The following METTL25 variants were observed in gnomAD, a reference collection of about 807,000 sequenced individuals.
METTL25 encodes the protein probable methyltransferase-like protein 25.
In METTL25, 64 loss-of-function variants were observed where a neutral mutation model predicts 71.6. The ratio of observed to expected loss-of-function variants is 0.89; its 90% CI spans 0.73 to 1.10. The LOEUF is 1.10. Ranked by LOEUF, METTL25 falls within the 50% of genes least tolerant of loss-of-function variation. The pLI, the probability that METTL25 is intolerant of heterozygous loss-of-function variation, is 0.00. For missense variants in METTL25, 807 were observed against 707.0 expected, an observed-to-expected ratio of 1.14 and a Z score of -1.60; for synonymous variants, 287 against 250.3, an observed-to-expected ratio of 1.15 and a Z score of -1.38.
Position 82,479,207 on chromosome 12 carries a change from A to G in METTL25, c.*183A>G, listed in dbSNP as rs1403622895. The G allele has an allele frequency of 2.0e-6, 1 of 497,772 alleles. No homozygotes were observed. Among genetic ancestry groups the G allele is most frequent in the Non-Finnish European group, 3.6e-6 (1 of 279,530 alleles). The allele number at this position is 497,772 out of a possible 1,614,324, so 30.8% of individuals were successfully genotyped here. On this transcript the variant is annotated 3_prime_UTR_variant, in exon 12 of 12. Transcript: ENST00000248306. Reference sequence around the variant, plus strand: ...TTTTTCCATTGTCAAAGCATACATTAATAAAAGAAGAACCTGTCATAATAA... The same window carrying G: ...TTTTTCCATTGTCAAAGCATACATTGATAAAAGAAGAACCTGTCATAATAA...
Position 82,477,299 on chromosome 12 carries a change from C to G in METTL25, c.1666C>G (p.Pro556Ala), listed in dbSNP as rs367683310. The change falls in exon 11 of 12, where the codon CCC becomes GCC. Residue 556 changes from proline (P) to alanine (A), a missense_variant. Transcript: ENST00000248306. ...ATTTTAGTTGAAAGTTGTACTGGCT[C>G]CCTGTATAGAGACTTTGATTCTTCT... ...AFNMLKVVLA[P>A]CIETLILLDR... is the part of the protein sequence containing the mutation. 1.2e-5 allele frequency: 19 copies of G among 1,562,700 alleles called. No homozygotes were observed. The East Asian group carries it at 2.3e-4, about 19-fold the overall frequency.
At chr12:82,365,965 C>G (rs1014481970) in intron 1 of METTL25, among the ~76,000 whole-genome samples, 3 of 151,962 alleles carry the variant, frequency 2.0e-5, no homozygotes, top group Admixed American at 2.0e-4. Context: ...ACCTGTAGTC[C>G]CAGCTACTCG....
chr12:82,406,735 A>G (rs780607925), intron 5 of METTL25, among the ~76,000 whole-genome samples: 1 of 152,116 alleles, frequency 6.6e-6, no homozygotes, highest in African/African-American at 2.4e-5. Flanking sequence ...TAATTGCTAT[A>G]AGACAGGGTA....
chr12:82,403,111 A>ATTT lies in METTL25; in HGVS notation c.1261_1263dup (p.Phe421dup). On this transcript the variant is annotated inframe_insertion, in exon 5 of 12. Transcript: ENST00000248306. ...GTTGCTACCACCTCTTATCTGAAGA[A>ATTT]TTTGAAAACCAGCATAAAGGTACAA... 1.2e-6 allele frequency: 2 copies of ATTT among 1,612,296 alleles called. No individual in the cohort carries two copies. The highest frequency in any genetic ancestry group is 2.2e-5 in the South Asian group (2 of 90,686).
intron 8 of METTL25, among the ~76,000 whole-genome samples, chr12:82,455,056 A>G (rs1400093726): frequency 1.3e-5 from 2 of 151,748 alleles, no homozygotes; most frequent in Non-Finnish European, 1.5e-5. Flanking sequence ...GTACTATTCT[A>G]TGCTTTTTCT....
At chr12:82,361,086 A>AC (rs1393961731) in intron 1 of METTL25, among the ~76,000 whole-genome samples, 1 of 151,566 alleles carries the variant, frequency 6.6e-6, no homozygotes, top group African/African-American at 2.4e-5. Flanking sequence ...CTCTTATCTG[A>AC]CCCCACCCAC....
In METTL25 at chr12:82,456,809, G is replaced by C. The variant is rs2062424850; in HGVS notation, c.1561G>C (p.Asp521His). ...VRRSLKKLGL[D>H]ESKLPEKIIM... The stretch of plus-strand genomic sequence containing the variant: ...ACGGTCTCTAAAGAAGCTTGGATTA[G>C]ATGAGTCCAAGGTCAGTATATGATG... The change falls in exon 9 of 12, where the codon GAT (aspartate) becomes CAT (histidine). Residue 521 changes from aspartate (D) to histidine (H), a missense_variant. Asp to His is a moderately conservative substitution (Grantham distance 81). Transcript: ENST00000248306. The C allele has an allele frequency of 2.5e-6, 4 of 1,574,248 alleles. No homozygotes were observed. The highest frequency in any genetic ancestry group is 1.7e-5 in the Admixed American group (1 of 58,226).
chr12:82,387,806 T>G (rs963797408), intron 2 of METTL25, among the ~76,000 whole-genome samples: 1 of 152,142 alleles, frequency 6.6e-6, no homozygotes, highest in Non-Finnish European at 1.5e-5. Context: ...ACTCTGTATC[T>G]CAAAATAACA....
chr12:82,378,296 A>G (rs1884085757), intron 1 of METTL25, among the ~76,000 whole-genome samples: 1 of 152,226 alleles, frequency 6.6e-6, no homozygotes, highest in African/African-American at 2.4e-5. Flanking sequence ...TACAGCAATT[A>G]CCTTGAATAA....
chr12:82,454,852 A>G (rs1891378802), intron 8 of METTL25, among the ~76,000 whole-genome samples: 1 of 151,952 alleles, frequency 6.6e-6, no homozygotes, highest in South Asian at 2.1e-4. Flanking sequence ...CTATAATACC[A>G]GTAATTATAA....
At position 82,479,092 on chromosome 12, in the gene METTL25, C is replaced by T. The variant is rs1385919876; in HGVS notation, c.*68C>T. 28 of 1,304,668 alleles carry T rather than the reference C, an allele frequency of 2.1e-5. No individual in the cohort carries two copies. The highest frequency in any genetic ancestry group is 2.7e-5 in the Non-Finnish European group (25 of 911,178). The allele number at this position is 1,304,668 out of a possible 1,614,324, so 80.8% of individuals were successfully genotyped here. A position where few individuals can be genotyped will look rare whatever the true frequency, so the allele number is the denominator to read the frequency against. On this transcript the variant is annotated 3_prime_UTR_variant, in exon 12 of 12. Transcript: ENST00000248306. ...CTGTTGCTGAGATTGCTTTTCTAAA[C>T]ATATATGTCCTGTTATACAAAAATT... is the stretch of plus-strand genomic sequence containing the variant.
At chr12:82,462,875 T>C (rs548584626) in intron 9 of METTL25, among the ~76,000 whole-genome samples, 4 of 152,258 alleles carry the variant, frequency 2.6e-5, no homozygotes, top group African/African-American at 9.6e-5. Context: ...AGACTACATA[T>C]AATACCTAAT....
chr12:82,442,807 C>T (rs367968234), intron 8 of METTL25, among the ~76,000 whole-genome samples: 1 of 151,810 alleles, frequency 6.6e-6, no homozygotes, highest in South Asian at 2.1e-4. Flanking sequence ...GAACTATGCT[C>T]AATATGCACA....
At chr12:82,361,224 A>G (rs1881826882) in intron 1 of METTL25, among the ~76,000 whole-genome samples, 1 of 152,214 alleles carries the variant, frequency 6.6e-6, no homozygotes, top group Non-Finnish European at 1.5e-5. Context: ...AGCTATACAC[A>G]GAGCACTGAT....
At chr12:82,477,454 A>C in intron 11 of METTL25, 102 bp downstream of exon 11, 1 of 519,878 alleles carries the variant, frequency 1.9e-6, no homozygotes. Context: ...AAAACTAGTA[A>C]GAAAATTTTT....
chr12:82,448,818 T>C (rs1015626205), intron 8 of METTL25, among the ~76,000 whole-genome samples: 1 of 21,606 alleles, frequency 4.6e-5, no homozygotes, highest in Non-Finnish European at 2.1e-4. Context: ...AGCAAAATTT[T>C]ATGTTGATCT....
chr12:82,375,160 T>C (rs903490642), intron 1 of METTL25, among the ~76,000 whole-genome samples: 2 of 152,228 alleles, frequency 1.3e-5, no homozygotes, highest in Admixed American at 1.3e-4. Context: ...TATGTTGCTG[T>C]GGTCTGAATA....
chr12:82,368,159 G>T (rs1297062921), intron 1 of METTL25, among the ~76,000 whole-genome samples: 3 of 151,778 alleles, frequency 2.0e-5, no homozygotes, highest in African/African-American at 7.3e-5. Flanking sequence ...ACTCTGATTA[G>T]CTGTGTTATC....
At chr12:82,422,391 C>A (rs563681619) in intron 5 of METTL25, among the ~76,000 whole-genome samples, 3 of 152,070 alleles carry the variant, frequency 2.0e-5, no homozygotes, top group Non-Finnish European at 2.9e-5. Context: ...ATTGATGGGA[C>A]GTATTTAAAA....
Sources: allele counts gnomAD v4.1 joint callset (sites outside exome capture counted in the v4.1 genomes callset), GRCh38; gene constraint gnomAD v4.1.1; transcripts MANE v1.5; gene names NCBI Gene and HGNC (gene_info 2026-07-23, HGNC 2026-07-21).